The following CTNNA2 variants were observed in gnomAD, a reference collection of about 807,000 sequenced individuals.
CTNNA2 encodes the protein catenin alpha-2.
A neutral mutation model predicts 101.0 loss-of-function variants in CTNNA2; 42 were observed. That is an observed-to-expected ratio of 0.42 (90% CI 0.32 to 0.54). The LOEUF (loss-of-function observed/expected upper bound fraction) is 0.54. CTNNA2 is among the 20% of genes least tolerant of loss of function. CTNNA2 has a pLI of 0.14. For missense variants in CTNNA2, 871 were observed against 1,223.1 expected, an observed-to-expected ratio of 0.71 and a Z score of 4.29; for synonymous variants, 450 against 456.4, an observed-to-expected ratio of 0.99 and a Z score of 0.18.
intron 7 of CTNNA2, among the ~76,000 whole-genome samples, chr2:79,944,433 A>G (rs891907986): frequency 6.6e-6 from 1 of 152,224 alleles, no homozygotes; most frequent in Non-Finnish European, 1.5e-5. Flanking sequence ...TTGGACTTCT[A>G]GGAGTTTACT....
At chr2:79,429,745 G>T (rs562552194) in intron 4 of CTNNA2, among the ~76,000 whole-genome samples, 2 of 152,184 alleles carry the variant, frequency 1.3e-5, no homozygotes, top group African/African-American at 4.8e-5. Context: ...GGGCAAATGT[G>T]GTTTTATTTG....
At chr2:79,908,756 T>C (rs953637102) in intron 6 of CTNNA2, among the ~76,000 whole-genome samples, 10 of 152,222 alleles carry the variant, frequency 6.6e-5, no homozygotes, top group African/African-American at 2.4e-4. Flanking sequence ...TACTAGTATG[T>C]AATTCACTAG....
intron 7 of CTNNA2, among the ~76,000 whole-genome samples, chr2:79,935,250 G>A (rs1180022082): frequency 1.3e-5 from 2 of 152,102 alleles, no homozygotes; most frequent in East Asian, 3.9e-4. Context: ...TGAGGGGGCA[G>A]AGCCTCCAAA....
intron 2 of CTNNA2, among the ~76,000 whole-genome samples, chr2:79,224,703 A>G (rs1276159780): frequency 6.6e-6 from 1 of 152,010 alleles, no homozygotes; most frequent in African/African-American, 2.4e-5. Context: ...ACAGAATATT[A>G]CTGTCAACCC....
chr2:79,735,424 T>C (rs965557253), intron 2 of CTNNA2, among the ~76,000 whole-genome samples: 1 of 152,166 alleles, frequency 6.6e-6, no homozygotes, highest in Non-Finnish European at 1.5e-5. Flanking sequence ...CCAAATGCTC[T>C]ACTCCATAAC....
chr2:80,424,701 G>A (rs1177940376), intron 9 of CTNNA2, among the ~76,000 whole-genome samples: 1 of 152,170 alleles, frequency 6.6e-6, no homozygotes, highest in Non-Finnish European at 1.5e-5. Flanking sequence ...GGCCAACTGA[G>A]GATCAGATGT....
At chr2:79,565,250 G>A (rs1455266338) in intron 1 of CTNNA2, among the ~76,000 whole-genome samples, 3 of 148,386 alleles carry the variant, frequency 2.0e-5, no homozygotes. Context: ...GGGTGAAAAG[G>A]AAAAAAAAAA....
At chr2:80,023,346 CT>C (rs1432894219) in intron 7 of CTNNA2, among the ~76,000 whole-genome samples, 2 of 152,054 alleles carry the variant, frequency 1.3e-5, no homozygotes, top group East Asian at 3.9e-4. Flanking sequence ...CTAAAATGTT[CT>C]TTTTCTGTTC....
At chr2:79,479,253 A>T (rs1256142416) in intron 4 of CTNNA2, among the ~76,000 whole-genome samples, 1 of 152,196 alleles carries the variant, frequency 6.6e-6, no homozygotes, top group East Asian at 1.9e-4. Context: ...ATGAGACAGG[A>T]TGCCATGTCC....
intron 1 of CTNNA2, among the ~76,000 whole-genome samples, chr2:79,192,314 C>T (rs1214654363): frequency 6.6e-6 from 1 of 152,114 alleles, no homozygotes; most frequent in Non-Finnish European, 1.5e-5. Context: ...GCATATTGTA[C>T]TCTTACAGCT....
intron 9 of CTNNA2, among the ~76,000 whole-genome samples, chr2:80,543,697 T>C (rs1236989259): frequency 6.6e-6 from 1 of 152,186 alleles, no homozygotes; most frequent in Non-Finnish European, 1.5e-5. Context: ...AGGCCTGTAC[T>C]CTTCTCACTA....
chr2:79,837,819 A>C lies in CTNNA2; in HGVS notation c.299-20194A>C, dbSNP rs185941693. 2.9e-3 allele frequency among the ~76,000 whole-genome samples: 447 copies of C among 152,282 alleles called. 1 individual carries two copies. The highest frequency in any genetic ancestry group is 0.01 in the African/African-American group (431 of 41,566). On this transcript the variant is annotated intron_variant, in intron 3 of 18. Transcript: ENST00000402739. ...TAGCCTATGGGAAAATAATACTTTT[A>C]GCCTATGGGAAAATAACACAACTCC...
chr2:80,544,139 A>C (rs182007154), intron 9 of CTNNA2, among the ~76,000 whole-genome samples: 42 of 152,192 alleles, frequency 2.8e-4, no homozygotes, highest in African/African-American at 9.1e-4. Flanking sequence ...TTGGGGTAGC[A>C]TAGTGTTCCT....
intron 3 of CTNNA2, among the ~76,000 whole-genome samples, chr2:79,320,994 T>C (rs1190262605): frequency 1.3e-5 from 2 of 152,198 alleles, no homozygotes; most frequent in African/African-American, 4.8e-5. Flanking sequence ...AAAAGTATCC[T>C]AGGATCTTAG....
chr2:79,371,338 C>T (rs746151629), intron 3 of CTNNA2, among the ~76,000 whole-genome samples: 6 of 151,874 alleles, frequency 4.0e-5, no homozygotes, highest in Non-Finnish European at 7.4e-5. Flanking sequence ...GCAAATGCAC[C>T]GCAGGGACAC....
At chr2:80,304,972 G>C in intron 7 of CTNNA2, 1 of 667,274 alleles carries the variant, frequency 1.5e-6, no homozygotes, top group East Asian at 1.4e-4. Flanking sequence ...CATCATCCAC[G>C]ACAAGATATT....
At chr2:80,121,291 A>G (rs565367870) in intron 7 of CTNNA2, among the ~76,000 whole-genome samples, 1 of 152,348 alleles carries the variant, frequency 6.6e-6, no homozygotes, top group East Asian at 1.9e-4. Context: ...ATCACCTTGA[A>G]CAAGTCACAT....
chr2:79,594,061 G>A (rs923502724), intron 1 of CTNNA2, among the ~76,000 whole-genome samples: 12 of 151,622 alleles, frequency 7.9e-5, no homozygotes, highest in East Asian at 5.9e-4. Flanking sequence ...GCTAATTTTT[G>A]TATTTTTAGT....
At chr2:80,491,864 C>T (rs1687090948) in intron 9 of CTNNA2, among the ~76,000 whole-genome samples, 1 of 152,088 alleles carries the variant, frequency 6.6e-6, no homozygotes, top group Admixed American at 6.5e-5. Context: ...GGTTTTGTTG[C>T]CTGTGTTCAG....
Sources: gnomAD v4.1 joint callset for allele counts (sites outside exome capture counted in the v4.1 genomes callset) on GRCh38, gnomAD v4.1.1 for gene constraint, MANE v1.5 for transcripts, NCBI Gene and HGNC (gene_info 2026-07-23, HGNC 2026-07-21) for gene names.